Variants in PDZRN4 observed in about 807,000 individuals in gnomAD.
PDZRN4 encodes PDZ domain-containing RING finger protein 4.
Under a neutral mutation model 99.0 loss-of-function variants are expected in PDZRN4, and 70 were observed. The ratio of observed to expected loss-of-function variants is 0.71; its 90% CI spans 0.58 to 0.86. The LOEUF is 0.86. Among genes scored for constraint, PDZRN4 ranks in the 40% least tolerant of loss-of-function variants. The pLI, the probability that PDZRN4 is intolerant of heterozygous loss-of-function variation, is 0.00. For synonymous variants in PDZRN4, 551 were observed against 501.6 expected (o/e 1.10, Z -1.32); for missense variants, 1,474 against 1,331.2 (o/e 1.11, Z -1.67).
intron 3 of PDZRN4, among the ~76,000 whole-genome samples, chr12:41,241,608 A>C (rs1951102450): frequency 6.6e-6 from 1 of 152,202 alleles, no homozygotes; most frequent in African/African-American, 2.4e-5. Flanking sequence ...TTGTTGTGAG[A>C]ATTAAATAAT....
At chr12:41,352,206 A>T (rs1951895319) in intron 3 of PDZRN4, among the ~76,000 whole-genome samples, 1 of 152,084 alleles carries the variant, frequency 6.6e-6, no homozygotes, top group African/African-American at 2.4e-5. Flanking sequence ...AAATGGAGTG[A>T]TGGTGCCAGC....
chr12:41,424,447 G>C (rs1459641191), intron 3 of PDZRN4, among the ~76,000 whole-genome samples: 1 of 152,044 alleles, frequency 6.6e-6, no homozygotes, highest in Non-Finnish European at 1.5e-5. Flanking sequence ...TTTTTATACT[G>C]ACATTACTGA....
chr12:41,193,924 T>C (rs77765132), intron 2 of PDZRN4, among the ~76,000 whole-genome samples, 157 bp from the exon 3 acceptor site: 1,779 of 152,290 alleles, frequency 0.012, 56 homozygotes, highest in East Asian at 0.1. Flanking sequence ...GATTAATGAC[T>C]AGTTGGTGTT....
At chr12:41,261,047 A>C (rs1951235727) in intron 3 of PDZRN4, among the ~76,000 whole-genome samples, 1 of 152,158 alleles carries the variant, frequency 6.6e-6, no homozygotes, top group Non-Finnish European at 1.5e-5. Context: ...AGAAAGATGC[A>C]CTATATTTAT....
At chr12:41,566,093 G>A (rs908818855) in intron 8 of PDZRN4, among the ~76,000 whole-genome samples, 5 of 152,174 alleles carry the variant, frequency 3.3e-5, no homozygotes, top group Non-Finnish European at 4.4e-5. Context: ...CAGCCTAAAA[G>A]AAAGCCTTAT....
At chr12:41,437,869 G>T (rs1952644392) in intron 3 of PDZRN4, 5 of 1,612,550 alleles carry the variant, frequency 3.1e-6, no homozygotes, top group Non-Finnish European at 4.2e-6. Flanking sequence ...AGTCTGGAGG[G>T]TGATTCCCTT....
chr12:41,191,522 T>C lies in PDZRN4; in HGVS notation c.713T>C (p.Ile238Thr), dbSNP rs1284157802. ...GAAAATGACACTTTGGGATTCAATA[T>C]TATAGGAGGTCGACCAAATCAGGTA... ...ERENDTLGFN[I>T]IGGRPNQNNQ... Residue 238 changes from isoleucine (I) to threonine (T), a missense_variant, in exon 2 of 10, where the codon ATT (isoleucine) becomes ACT (threonine). Physicochemically the swap from Ile to Thr is moderately conservative, Grantham distance 89. Coordinates refer to ENST00000402685, the MANE Select transcript of PDZRN4 (RefSeq NM_001164595.2). 5.8e-6 allele frequency: 9 copies of C among 1,553,642 alleles called. No homozygotes were observed. Among genetic ancestry groups the C allele is most frequent in the Non-Finnish European group, 7.9e-6 (9 of 1,139,138 alleles).
chr12:41,325,773 A>G (rs1951705506), intron 3 of PDZRN4, among the ~76,000 whole-genome samples: 2 of 152,204 alleles, frequency 1.3e-5, no homozygotes, highest in South Asian at 4.1e-4. Context: ...CATTTATTTT[A>G]GCAAACAAGC....
chr12:41,345,175 C>T (rs532276044), intron 3 of PDZRN4, among the ~76,000 whole-genome samples: 17 of 152,324 alleles, frequency 1.1e-4, no homozygotes, highest in African/African-American at 3.8e-4. Flanking sequence ...CCCCAGCTGT[C>T]TTTACAGACC....
At chr12:41,415,920 G>A (rs1215015386) in intron 3 of PDZRN4, among the ~76,000 whole-genome samples, 1 of 152,102 alleles carries the variant, frequency 6.6e-6, no homozygotes, top group Admixed American at 6.5e-5. Context: ...TATAATATGT[G>A]TATACTTTAC....
At chr12:41,476,906 C>G (rs1298510723) in intron 3 of PDZRN4, among the ~76,000 whole-genome samples, 1 of 152,208 alleles carries the variant, frequency 6.6e-6, no homozygotes, top group Non-Finnish European at 1.5e-5. Flanking sequence ...AGCCAAGCTT[C>G]CTCCCCTCTT....
chr12:41,440,107 A>G (rs1002811671), intron 3 of PDZRN4, among the ~76,000 whole-genome samples: 1 of 152,180 alleles, frequency 6.6e-6, no homozygotes, highest in Non-Finnish European at 1.5e-5. Flanking sequence ...AAGAGAGGAT[A>G]CTATTTACAA....
intron 3 of PDZRN4, among the ~76,000 whole-genome samples, chr12:41,257,682 C>T (rs1951212808): frequency 6.6e-6 from 1 of 152,132 alleles, no homozygotes; most frequent in Admixed American, 6.5e-5. Context: ...TCATGAAATT[C>T]AGTAAGTGAT....
At chr12:41,506,351 C>A in intron 3 of PDZRN4, 105 bp from the exon 4 acceptor site, 2 of 996,730 alleles carry the variant, frequency 2.0e-6, no homozygotes, top group Non-Finnish European at 2.9e-6. Context: ...TTACAAAATT[C>A]ATATCAGGGC....
At chr12:41,438,212 C>A (rs1345370192) in intron 3 of PDZRN4, among the ~76,000 whole-genome samples, 1 of 152,126 alleles carries the variant, frequency 6.6e-6, no homozygotes, top group Non-Finnish European at 1.5e-5. Context: ...CAGATGACTT[C>A]CTGTGGGATT....
At chr12:41,518,570 AATACTTCAG>A (rs1938442819) in intron 5 of PDZRN4, among the ~76,000 whole-genome samples, 1 of 135,436 alleles carries the variant, frequency 7.4e-6, no homozygotes, top group South Asian at 2.1e-4. Flanking sequence ...AATAGTTTAT[AATACTTCAG>A]ATAAATATTT....
intron 3 of PDZRN4, among the ~76,000 whole-genome samples, chr12:41,300,894 AGATCAAG>A (rs1420121689): frequency 6.6e-6 from 1 of 152,044 alleles, no homozygotes; most frequent in Non-Finnish European, 1.5e-5. Context: ...TGGACTCAAG[AGATCAAG>A]GTTATCAAAA....
chr12:41,532,345 C>G (rs1005208597), intron 5 of PDZRN4, among the ~76,000 whole-genome samples: 2 of 152,146 alleles, frequency 1.3e-5, no homozygotes, highest in African/African-American at 4.8e-5. Context: ...GTCTTGGTAG[C>G]TGGCTGACTA....
chr12:41,341,732 C>A (rs1050277792), intron 3 of PDZRN4, among the ~76,000 whole-genome samples: 6 of 151,738 alleles, frequency 4.0e-5, no homozygotes, highest in Non-Finnish European at 7.4e-5. Flanking sequence ...AGATTTTGTT[C>A]ATGGATTTAA....
Sources: allele counts gnomAD v4.1 joint callset (sites outside exome capture counted in the v4.1 genomes callset), GRCh38; gene constraint gnomAD v4.1.1; transcripts MANE v1.5; gene names NCBI Gene and HGNC (gene_info 2026-07-23, HGNC 2026-07-21).